Variants in STK39 observed in about 807,000 individuals in gnomAD.
STK39 encodes serine/threonine kinase 39.
STK39 carries 20 observed loss-of-function variants against 77.8 expected under a neutral mutation model. The observed-to-expected ratio is 0.26, with a 90% confidence interval of 0.18 to 0.37. The LOEUF (loss-of-function observed/expected upper bound fraction) is 0.37, where lower values mean the gene tolerates loss of function less well. Among genes scored for constraint, STK39 ranks in the 10% least tolerant of loss-of-function variants. STK39 has a pLI of 1.00. For missense variants in STK39, 479 were observed against 656.5 expected, an observed-to-expected ratio of 0.73 and a Z score of 2.95; for synonymous variants, 246 against 234.1, an observed-to-expected ratio of 1.05 and a Z score of -0.47.
At chr2:168,109,215 C>T (rs992841987) in intron 10 of STK39, among the ~76,000 whole-genome samples, 7 of 152,180 alleles carry the variant, frequency 4.6e-5, no homozygotes, top group African/African-American at 1.4e-4. Flanking sequence ...ATGGCACATA[C>T]CCTAGCCTCA....
intron 16 of STK39, among the ~76,000 whole-genome samples, chr2:167,996,460 G>A (rs1455594011): frequency 2.6e-5 from 4 of 152,166 alleles, no homozygotes; most frequent in Non-Finnish European, 5.9e-5. Flanking sequence ...TACCTGGCAG[G>A]GGCAGCCATG....
chr2:168,077,129 G>A (rs115860304), intron 10 of STK39, among the ~76,000 whole-genome samples: 3,020 of 152,222 alleles, frequency 0.02, 102 homozygotes, highest in African/African-American at 0.069. Flanking sequence ...GAGAAAACAA[G>A]TAAAATTATC....
intron 2 of STK39, among the ~76,000 whole-genome samples, chr2:168,167,902 C>A (rs1479586552): frequency 5.3e-5 from 8 of 152,136 alleles, no homozygotes; most frequent in Admixed American, 5.2e-4. Flanking sequence ...TGAGAAAATA[C>A]ATTTGAAAAT....
chr2:168,074,761 A>T (rs1256179028), intron 12 of STK39, among the ~76,000 whole-genome samples: 1 of 152,192 alleles, frequency 6.6e-6, no homozygotes, highest in Non-Finnish European at 1.5e-5. Flanking sequence ...GATCATCCTC[A>T]TTTGACAGAT....
chr2:167,993,099 A>G (rs188157312), intron 16 of STK39, among the ~76,000 whole-genome samples: 4 of 152,372 alleles, frequency 2.6e-5, no homozygotes, highest in Admixed American at 2.0e-4. Flanking sequence ...AAGCAACGTA[A>G]TAAGTTTTCT....
intron 14 of STK39, among the ~76,000 whole-genome samples, chr2:168,021,176 A>C (rs1044771196): frequency 6.6e-6 from 1 of 152,156 alleles, no homozygotes; most frequent in Non-Finnish European, 1.5e-5. Context: ...GGTCATGAGA[A>C]GAGAGGTGTA....
chr2:168,005,890 A>G (rs775057480), intron 16 of STK39, among the ~76,000 whole-genome samples: 7 of 152,358 alleles, frequency 4.6e-5, no homozygotes, highest in Non-Finnish European at 8.8e-5. Context: ...TCATGGGGGC[A>G]TGAACAATAG....
At chr2:167,998,785 C>A (rs1007449412) in intron 16 of STK39, among the ~76,000 whole-genome samples, 3 of 152,156 alleles carry the variant, frequency 2.0e-5, no homozygotes, top group Admixed American at 6.5e-5. Context: ...TAAATGAACC[C>A]AGAACACTGG....
chr2:168,168,591 G>A (rs1338434726), intron 2 of STK39, among the ~76,000 whole-genome samples: 1 of 152,188 alleles, frequency 6.6e-6, no homozygotes, highest in Non-Finnish European at 1.5e-5. Flanking sequence ...TGCTTGTCCA[G>A]TACTGCCTAA....
intron 13 of STK39, 142 bp downstream of exon 13, chr2:168,065,177 T>C: frequency 1.3e-6 from 1 of 786,020 alleles, no homozygotes; most frequent in Non-Finnish European, 2.1e-6. Context: ...GCACAGTCAA[T>C]AGCAACCTAT....
intron 12 of STK39, among the ~76,000 whole-genome samples, chr2:168,067,094 C>T (rs1270421714): frequency 3.3e-5 from 5 of 152,156 alleles, no homozygotes; most frequent in Non-Finnish European, 7.4e-5. Context: ...TGGTGGTTTG[C>T]GCCTGTAGTC....
intron 10 of STK39, among the ~76,000 whole-genome samples, chr2:168,120,852 ATC>A (rs1305057348): frequency 3.9e-5 from 6 of 152,054 alleles, no homozygotes; most frequent in Non-Finnish European, 8.8e-5. Flanking sequence ...CTCACTAGCC[ATC>A]TCTCTCCCCA....
At chr2:167,999,739 G>A (rs1574380115) in intron 16 of STK39, among the ~76,000 whole-genome samples, 1 of 152,138 alleles carries the variant, frequency 6.6e-6, no homozygotes, top group Non-Finnish European at 1.5e-5. Context: ...TGGGATTACA[G>A]GCATGAACCA....
At chr2:168,161,884 CT>C (rs2105585313) in intron 4 of STK39, 42 bp from the exon 5 acceptor site, 1 of 1,462,842 alleles carries the variant, frequency 6.8e-7, no homozygotes, top group African/African-American at 1.4e-5. Flanking sequence ...AGGGTACAGA[CT>C]TTATAGTGTA....
At chr2:168,109,142 A>G (rs1687056534) in intron 10 of STK39, among the ~76,000 whole-genome samples, 1 of 152,198 alleles carries the variant, frequency 6.6e-6, no homozygotes. Context: ...TATACAAACA[A>G]CATATATTTA....
At chr2:168,236,405 T>C (rs1690610927) in intron 1 of STK39, among the ~76,000 whole-genome samples, 1 of 152,234 alleles carries the variant, frequency 6.6e-6, no homozygotes, top group African/African-American at 2.4e-5. Context: ...GTAGGTTGCC[T>C]GTTCACTCTG....
At chr2:168,009,634 T>C (rs1684219579) in intron 16 of STK39, among the ~76,000 whole-genome samples, 1 of 152,194 alleles carries the variant, frequency 6.6e-6, no homozygotes, top group Non-Finnish European at 1.5e-5. Flanking sequence ...ATAGAATTGA[T>C]GTGATGATCA....
At chr2:168,135,632 A>G (rs925779054) in intron 8 of STK39, among the ~76,000 whole-genome samples, 1 of 152,234 alleles carries the variant, frequency 6.6e-6, no homozygotes, top group Non-Finnish European at 1.5e-5. Context: ...TTACTTATCA[A>G]ATTAGTCATG....
chr2:168,063,079 A>G (rs1269689611), intron 14 of STK39, among the ~76,000 whole-genome samples: 19 of 152,210 alleles, frequency 1.2e-4, no homozygotes, highest in Admixed American at 1.0e-3. Context: ...AAACTTGCCA[A>G]TGAAAAATGT....
Sources: allele counts gnomAD v4.1 joint callset (sites outside exome capture counted in the v4.1 genomes callset), GRCh38; gene constraint gnomAD v4.1.1; transcripts MANE v1.5; gene names NCBI Gene and HGNC (gene_info 2026-07-23, HGNC 2026-07-21).